Variants in GRM7 observed in about 807,000 individuals in gnomAD.
The protein encoded by GRM7 is glutamate metabotropic receptor 7, also known as metabotropic glutamate receptor 7.
Under a neutral mutation model 84.5 loss-of-function variants are expected in GRM7, and 35 were observed. That is an observed-to-expected ratio of 0.41 (90% CI 0.32 to 0.55). The LOEUF is 0.55. Among genes scored for constraint, GRM7 ranks in the 20% least tolerant of loss-of-function variants. The probability of loss-of-function intolerance (pLI) is 0.19; values close to 1 mark genes in which losing one functional copy is unlikely to be tolerated. For missense variants in GRM7, 1,003 were observed against 1,194.6 expected (o/e 0.84, Z 2.36); for synonymous variants, 487 against 455.1 (o/e 1.07, Z -0.89).
chr3:7,456,657 T>C (rs926810747), intron 6 of GRM7, among the ~76,000 whole-genome samples: 2 of 150,662 alleles, frequency 1.3e-5, no homozygotes, highest in African/African-American at 2.4e-5. Flanking sequence ...GATCTGAGGT[T>C]GCATGGGAAT....
intron 1 of GRM7, among the ~76,000 whole-genome samples, chr3:7,071,597 G>C (rs545167302): frequency 3.9e-5 from 6 of 152,020 alleles, no homozygotes; most frequent in Admixed American, 1.3e-4. Flanking sequence ...ACTGAGGATA[G>C]AAAGATGTGT....
intron 1 of GRM7, among the ~76,000 whole-genome samples, chr3:7,022,081 A>C (rs1477595071): frequency 1.3e-5 from 2 of 152,176 alleles, no homozygotes; most frequent in African/African-American, 4.8e-5. Context: ...TAATCCCAGC[A>C]CTTTGGGAGC....
intron 2 of GRM7, among the ~76,000 whole-genome samples, chr3:7,237,817 C>T (rs1355215517): frequency 1.3e-5 from 2 of 152,124 alleles, no homozygotes; most frequent in African/African-American, 2.4e-5. Context: ...GCTGATTGGT[C>T]CATTTTGCAG....
intron 4 of GRM7, among the ~76,000 whole-genome samples, chr3:7,326,860 A>G (rs927489499): frequency 2.6e-5 from 4 of 152,004 alleles, no homozygotes; most frequent in African/African-American, 9.7e-5. Flanking sequence ...GTTTATCCCA[A>G]TTATTTTGCC....
intron 4 of GRM7, among the ~76,000 whole-genome samples, chr3:7,334,490 GAAAAAC>G (rs201582580): frequency 0.24 from 35,955 of 148,222 alleles, 4,467 homozygotes; most frequent in South Asian, 0.34. Context: ...AAAAAAAATA[GAAAAAC>G]AAAAACAAAA....
chr3:6,889,331 C>T (rs542584733), intron 1 of GRM7, among the ~76,000 whole-genome samples: 27 of 152,198 alleles, frequency 1.8e-4, no homozygotes, highest in African/African-American at 6.0e-4. Context: ...GGAATGCTTC[C>T]AGTTTTCGTC....
chr3:7,580,618 CTG>C (rs1695203952), intron 8 of GRM7, among the ~76,000 whole-genome samples: 1 of 152,082 alleles, frequency 6.6e-6, no homozygotes, highest in Admixed American at 6.6e-5. Flanking sequence ...TAATTTTGAA[CTG>C]TGTTTTTAAA....
At chr3:7,071,098 A>AACTCCT (rs2124983746) in intron 1 of GRM7, among the ~76,000 whole-genome samples, 1 of 152,156 alleles carries the variant, frequency 6.6e-6, no homozygotes, top group South Asian at 2.1e-4. Flanking sequence ...AGGTGAACAA[A>AACTCCT]ACTCCTTTAG....
chr3:7,508,125 T>C (rs1273615446), intron 7 of GRM7, among the ~76,000 whole-genome samples: 1 of 152,190 alleles, frequency 6.6e-6, no homozygotes, highest in African/African-American at 2.4e-5. Context: ...TACTTGCCAA[T>C]TTTTTAGTGC....
intron 5 of GRM7, among the ~76,000 whole-genome samples, chr3:7,416,096 G>T (rs1461516550): frequency 2.6e-5 from 4 of 152,102 alleles, no homozygotes; most frequent in African/African-American, 4.8e-5. Context: ...AGGAGTTTTT[G>T]TGTTTCTGAG....
At chr3:7,072,955 A>G (rs779606919) in intron 1 of GRM7, among the ~76,000 whole-genome samples, 2 of 152,140 alleles carry the variant, frequency 1.3e-5, no homozygotes, top group Non-Finnish European at 2.9e-5. Flanking sequence ...ATGCTGTCTT[A>G]TTGCTTTTGT....
chr3:7,419,642 A>G (rs908223535), intron 5 of GRM7, among the ~76,000 whole-genome samples: 1 of 152,180 alleles, frequency 6.6e-6, no homozygotes, highest in Non-Finnish European at 1.5e-5. Flanking sequence ...CTTATCAGTC[A>G]TAACTCGTGA....
At chr3:7,162,611 A>C (rs1423292108) in intron 2 of GRM7, among the ~76,000 whole-genome samples, 3 of 151,934 alleles carry the variant, frequency 2.0e-5, no homozygotes, top group African/African-American at 7.3e-5. Context: ...ATTTAATAGG[A>C]GAATATGCTA....
chr3:7,000,483 G>A (rs1374336247), intron 1 of GRM7, among the ~76,000 whole-genome samples: 4 of 152,022 alleles, frequency 2.6e-5, no homozygotes, highest in Admixed American at 6.6e-5. Context: ...CACCTCGCCC[G>A]GGCGAGCATG....
In GRM7 at chr3:7,304,652, T is replaced by C. The variant is rs540888429; in HGVS notation, c.879-1846T>C. On this transcript the variant is annotated intron_variant, in intron 3 of 9. Coordinates refer to ENST00000357716, the MANE Select transcript of GRM7 (RefSeq NM_000844.4). The stretch of plus-strand genomic sequence containing the variant: ...GAATCTTATTTCTTATTTTCCAACT[T>C]TTTGTTGTTTTGCTTTCTAGAGAAT... 3.3e-5 allele frequency among the ~76,000 whole-genome samples: 5 copies of C among 152,190 alleles called. No homozygotes were observed. In the South Asian group the frequency reaches 1.0e-3, roughly 31 times the overall value.
chr3:6,983,911 C>G (rs1694302300), intron 1 of GRM7, among the ~76,000 whole-genome samples: 1 of 151,800 alleles, frequency 6.6e-6, no homozygotes, highest in African/African-American at 2.4e-5. Context: ...CAATATTTAA[C>G]AATGTATCTG....
At chr3:7,207,344 C>G (rs1352956943) in intron 2 of GRM7, among the ~76,000 whole-genome samples, 2 of 152,108 alleles carry the variant, frequency 1.3e-5, no homozygotes, top group African/African-American at 4.8e-5. Context: ...GCAAAGTGGC[C>G]CGGATGCCTC....
intron 2 of GRM7, among the ~76,000 whole-genome samples, chr3:7,229,901 G>T (rs1697136131): frequency 7.1e-6 from 1 of 140,232 alleles, no homozygotes; most frequent in African/African-American, 2.6e-5. Flanking sequence ...GTGCAGCGGG[G>T]CGATCTCAGC....
chr3:7,491,888 C>T (rs1289908801), intron 7 of GRM7, among the ~76,000 whole-genome samples: 2 of 152,120 alleles, frequency 1.3e-5, no homozygotes, highest in African/African-American at 4.8e-5. Context: ...TATAACAGAA[C>T]ATGCCCTTTT....
Sources: gnomAD v4.1 joint callset for allele counts (sites outside exome capture counted in the v4.1 genomes callset) on GRCh38, gnomAD v4.1.1 for gene constraint, MANE v1.5 for transcripts, NCBI Gene and HGNC (gene_info 2026-07-23, HGNC 2026-07-21) for gene names.